Variants in PCDH15 observed in about 807,000 individuals in gnomAD.
The protein encoded by PCDH15 is protocadherin-15.
PCDH15 carries 129 observed loss-of-function variants against 178.5 expected under a neutral mutation model. The observed-to-expected ratio is 0.72, with a 90% CI of 0.63 to 0.84. PCDH15 has a LOEUF of 0.84. Ranked by LOEUF, PCDH15 falls within the 40% of genes least tolerant of loss-of-function variation. The pLI, the probability that PCDH15 is intolerant of heterozygous loss-of-function variation, is 0.00. For synonymous variants in PCDH15, 800 were observed against 732.0 expected (o/e 1.09, Z -1.50); for missense variants, 2,230 against 2,099.9 (o/e 1.06, Z -1.21).
At chr10:54,537,507 A>T (rs186198690) in intron 2 of PCDH15, among the ~76,000 whole-genome samples, 39 of 152,320 alleles carry the variant, frequency 2.6e-4, no homozygotes, top group African/African-American at 7.9e-4. Context: ...TGATGAACAT[A>T]GATGCAAAAA....
chr10:55,566,240 T>C (rs1842299012), intron 2 of PCDH15, among the ~76,000 whole-genome samples: 1 of 151,672 alleles, frequency 6.6e-6, no homozygotes, highest in Admixed American at 6.6e-5. Context: ...AAATAGCATT[T>C]GGCAAAATTT....
chr10:54,937,504 C>G (rs1391602198), intron 2 of PCDH15, among the ~76,000 whole-genome samples: 1 of 151,834 alleles, frequency 6.6e-6, no homozygotes, highest in Non-Finnish European at 1.5e-5. Context: ...ATAATGTTCT[C>G]TAGTTCGCCG....
chr10:55,278,280 G>T (rs559089235), intron 1 of PCDH15, among the ~76,000 whole-genome samples: 1 of 152,052 alleles, frequency 6.6e-6, no homozygotes, highest in East Asian at 1.9e-4. Context: ...AAAACCTAAA[G>T]AATCTTAAGT....
chr10:55,366,923 G>A (rs932740456), intron 2 of PCDH15, among the ~76,000 whole-genome samples: 8 of 31,426 alleles, frequency 2.5e-4, no homozygotes, highest in Middle Eastern at 9.4e-3. Flanking sequence ...ATTTGTTTGC[G>A]TGTGTGTGTG....
At chr10:54,080,431 C>G (rs146730240) in intron 16 of PCDH15, among the ~76,000 whole-genome samples, 1 of 152,036 alleles carries the variant, frequency 6.6e-6, no homozygotes, top group Non-Finnish European at 1.5e-5. Flanking sequence ...ACATTTTAAT[C>G]GAGCCTAACA....
At chr10:55,039,497 G>A (rs1054330427) in intron 2 of PCDH15, among the ~76,000 whole-genome samples, 1 of 152,032 alleles carries the variant, frequency 6.6e-6, no homozygotes, top group Non-Finnish European at 1.5e-5. Context: ...TCCTTTTCCA[G>A]TAGTTATGCA....
chr10:55,531,072 G>C (rs951099174), intron 2 of PCDH15, among the ~76,000 whole-genome samples: 1 of 151,928 alleles, frequency 6.6e-6, no homozygotes, highest in Non-Finnish European at 1.5e-5. Context: ...ACAGGTGAAT[G>C]ATTTTATTTT....
At chr10:54,854,455 T>C (rs947229492) in intron 3 of PCDH15, among the ~76,000 whole-genome samples, 2 of 152,120 alleles carry the variant, frequency 1.3e-5, no homozygotes, top group Non-Finnish European at 2.9e-5. Context: ...CATAGACAAC[T>C]GGAGAGTGAG....
At chr10:54,686,238 T>A (rs1250980533) in intron 1 of PCDH15, among the ~76,000 whole-genome samples, 1 of 151,854 alleles carries the variant, frequency 6.6e-6, no homozygotes, top group Non-Finnish European at 1.5e-5. Context: ...AATCATCAGC[T>A]AATAACCAAA....
intron 6 of PCDH15, among the ~76,000 whole-genome samples, chr10:54,344,904 C>CAAAAAAAAAAAAAAA (rs57295345): frequency 2.5e-5 from 2 of 78,888 alleles, no homozygotes; most frequent in African/African-American, 4.9e-5. Context: ...AGAAACAAAG[C>CAAAAAAAAAAAAAAA]AAAAAAAAAA....
rs547105918 is a variant in PCDH15 at position 55,003,446 on chromosome 10, T to G, written c.-79-105946A>C. Among the ~76,000 whole-genome samples the G allele has an allele frequency of 4.0e-5, 6 of 150,260 alleles. No homozygotes were observed. The South Asian group carries it at 1.3e-3, about 32-fold the overall frequency. The stretch of plus-strand genomic sequence containing the variant: ...AGAAATAATATTGAAACATTGCTGT[T>G]TTTTTTTTTTCAGAGTCTAGAGAAT... On this transcript the variant is annotated intron_variant, in intron 2 of 5. Transcript: ENST00000458638.
At chr10:54,847,762 C>A (rs1953540194) in intron 3 of PCDH15, among the ~76,000 whole-genome samples, 1 of 152,170 alleles carries the variant, frequency 6.6e-6, no homozygotes, top group African/African-American at 2.4e-5. Flanking sequence ...TGAGCACCCA[C>A]ATATATGTCT....
At chr10:53,996,264 A>G (rs1160874380) in intron 20 of PCDH15, among the ~76,000 whole-genome samples, 1 of 152,172 alleles carries the variant, frequency 6.6e-6, no homozygotes, top group Non-Finnish European at 1.5e-5. Flanking sequence ...GCCATTTTAC[A>G]TGATAAAAGG....
At chr10:55,509,702 T>C (rs980068404) in intron 2 of PCDH15, among the ~76,000 whole-genome samples, 1 of 151,850 alleles carries the variant, frequency 6.6e-6, no homozygotes, top group African/African-American at 2.4e-5. Context: ...CTTCTCAAAT[T>C]TCCCCACATT....
intron 1 of PCDH15, among the ~76,000 whole-genome samples, chr10:54,719,471 T>C (rs780012612): frequency 1.3e-5 from 2 of 151,932 alleles, no homozygotes; most frequent in Non-Finnish European, 2.9e-5. Flanking sequence ...TCCCATGGGA[T>C]TGTCTTTTTT....
intron 21 of PCDH15, chr10:53,994,971 C>T (rs979640643): frequency 6.6e-6 from 1 of 151,752 alleles, no homozygotes; most frequent in Non-Finnish European, 1.5e-5. Flanking sequence ...ATTTATCAGC[C>T]ACCAACTTAC....
chr10:53,970,582 C>A lies in PCDH15; in HGVS notation c.2869-8690G>T, dbSNP rs1442017707. Among the ~76,000 whole-genome samples, 6 of 151,884 alleles carry A rather than the reference C, an allele frequency of 4.0e-5. No homozygotes were observed. In the South Asian group the frequency reaches 1.2e-3, roughly 32 times the overall value. On this transcript the variant is annotated intron_variant, in intron 21 of 37. Coordinates refer to ENST00000644397, the MANE Select transcript of PCDH15 (RefSeq NM_001384140.1). Reference sequence around the variant, plus strand: ...AGAAAAGAGAGAAGAATCAAATAGACACAATAAAAAATGATAAAGGGGATA... The same window carrying A: ...AGAAAAGAGAGAAGAATCAAATAGAAACAATAAAAAATGATAAAGGGGATA...
chr10:53,963,738 G>T (rs1453268954), intron 21 of PCDH15, among the ~76,000 whole-genome samples: 3 of 151,926 alleles, frequency 2.0e-5, no homozygotes, highest in Admixed American at 6.6e-5. Context: ...GGTAATCATT[G>T]ATCCTTTCTC....
At chr10:55,053,165 C>A (rs1564751082) in intron 2 of PCDH15, among the ~76,000 whole-genome samples, 1 of 152,132 alleles carries the variant, frequency 6.6e-6, no homozygotes, top group Non-Finnish European at 1.5e-5. Flanking sequence ...TTAAAAAAAT[C>A]TTTCAACATG....
Sources: gnomAD v4.1 joint callset for allele counts (sites outside exome capture counted in the v4.1 genomes callset) on GRCh38, gnomAD v4.1.1 for gene constraint, MANE v1.5 for transcripts, NCBI Gene and HGNC (gene_info 2026-07-23, HGNC 2026-07-21) for gene names.